Variants in SH3BGRL observed in about 807,000 individuals in gnomAD.
SH3BGRL encodes the protein SH3 domain binding glutamate rich protein like, also known as adapter SH3BGRL.
Under a neutral mutation model 9.8 loss-of-function variants are expected in SH3BGRL, and 7 were observed. The ratio of observed to expected loss-of-function variants is 0.72; its 90% CI spans 0.41 to 1.35. The LOEUF is 1.35. SH3BGRL is among the 40% of genes most tolerant of loss of function. The pLI is 0.01. For missense variants in SH3BGRL, 73 were observed against 84.4 expected, an observed-to-expected ratio of 0.86 and a Z score of 0.53; for synonymous variants, 36 against 29.1, an observed-to-expected ratio of 1.24 and a Z score of -0.76.
chrX:81,237,000 G>A, intron 1 of SH3BGRL: 1 of 551,091 alleles, frequency 1.8e-6, no homozygotes, highest in Non-Finnish European at 2.5e-6. Flanking sequence ...CAGTAAGAAA[G>A]CAGGCACAGT....
chrX:81,230,020 G>A (rs1473052765), intron 1 of SH3BGRL, among the ~76,000 whole-genome samples: 1 of 111,589 alleles, frequency 9.0e-6, no homozygotes, highest in Non-Finnish European at 1.9e-5. Context: ...GAAGTTCAGA[G>A]GTTGAGTGTG....
At chrX:81,239,353 CAG>C (rs1040450505) in intron 1 of SH3BGRL, among the ~76,000 whole-genome samples, 7 of 111,943 alleles carry the variant, frequency 6.3e-5, no homozygotes, top group East Asian at 5.6e-4. Flanking sequence ...AAGAAACAAA[CAG>C]AAATTCTGGA....
At chrX:81,229,315 G>A (rs2075625948) in intron 1 of SH3BGRL, among the ~76,000 whole-genome samples, 4 of 110,984 alleles carry the variant, frequency 3.6e-5, no homozygotes, top group Admixed American at 1.9e-4. Flanking sequence ...AAGCCCCAGT[G>A]GGCGTGTGTT....
intron 1 of SH3BGRL, among the ~76,000 whole-genome samples, chrX:81,226,370 A>G (rs1450282464): frequency 9.2e-6 from 1 of 108,340 alleles, no homozygotes; most frequent in Non-Finnish European, 1.9e-5. Flanking sequence ...TATATGGTGC[A>G]TATATTTTAT....
chrX:81,204,548 T>A (rs1602589482), intron 1 of SH3BGRL, among the ~76,000 whole-genome samples: 1 of 111,384 alleles, frequency 9.0e-6, no homozygotes, highest in African/African-American at 3.3e-5. Flanking sequence ...TGCTTTGGAT[T>A]GGTGGTAGCT....
At chrX:81,256,183 G>C (rs1057004742) in intron 1 of SH3BGRL, among the ~76,000 whole-genome samples, 1 of 112,094 alleles carries the variant, frequency 8.9e-6, no homozygotes, top group African/African-American at 3.2e-5. Context: ...TATAGGGATT[G>C]AGGTTCAGAT....
intron 3 of SH3BGRL, among the ~76,000 whole-genome samples, chrX:81,287,017 T>G (rs1361645615): frequency 9.0e-6 from 1 of 111,706 alleles, no homozygotes; most frequent in East Asian, 2.8e-4. Context: ...GCCAGTGATT[T>G]CTCCCATTAA....
intron 1 of SH3BGRL, among the ~76,000 whole-genome samples, chrX:81,259,752 C>T (rs1325936433): frequency 8.9e-6 from 1 of 111,908 alleles, no homozygotes; most frequent in Non-Finnish European, 1.9e-5. Flanking sequence ...TTTTATTACT[C>T]ATTTTCTGTA....
At chrX:81,252,537 T>C (rs1321073985) in intron 1 of SH3BGRL, among the ~76,000 whole-genome samples, 1 of 110,240 alleles carries the variant, frequency 9.1e-6, no homozygotes, top group African/African-American at 3.4e-5. Context: ...ATTCAGTCTT[T>C]TGGCGTCCCT....
At chrX:81,211,101 A>T (rs2075561708) in intron 1 of SH3BGRL, among the ~76,000 whole-genome samples, 1 of 112,086 alleles carries the variant, frequency 8.9e-6, no homozygotes, top group Non-Finnish European at 1.9e-5. Flanking sequence ...GTGTGATTTG[A>T]GTAGGTCATA....
rs769599930 is a variant in SH3BGRL at position 81,274,811 on chromosome X, A to AT, written c.46-2164dup. On this transcript the variant is annotated intron_variant, in intron 1 of 3. Transcript: ENST00000373212. ...TGAAAATTTGATCAAGTTAGGAAAC[A>AT]TTTTTTTTTAACTTTCCCTGAAGAT... 2.2e-3 allele frequency among the ~76,000 whole-genome samples: 244 copies of AT among 110,020 alleles called. 3 individuals are homozygous for AT. The Middle Eastern group carries it at 0.028, about 13-fold the overall frequency.
chrX:81,210,472 G>A (rs921554876), intron 1 of SH3BGRL, among the ~76,000 whole-genome samples: 2 of 111,447 alleles, frequency 1.8e-5, no homozygotes, highest in Non-Finnish European at 3.8e-5. Context: ...GCTTTAGTGG[G>A]TAATAATATT....
At chrX:81,211,211 T>C (rs1388625251) in intron 1 of SH3BGRL, among the ~76,000 whole-genome samples, 1 of 111,823 alleles carries the variant, frequency 8.9e-6, no homozygotes. Context: ...TGATGGTTAA[T>C]ACTGAGTGTC....
chrX:81,249,326 C>A (rs2075701761), intron 1 of SH3BGRL, among the ~76,000 whole-genome samples: 1 of 111,918 alleles, frequency 8.9e-6, no homozygotes, highest in African/African-American at 3.3e-5. Context: ...GAGTAAATTT[C>A]CTCTGCATTT....
chrX:81,235,117 G>A (rs1334678834), intron 1 of SH3BGRL, among the ~76,000 whole-genome samples: 1 of 111,290 alleles, frequency 9.0e-6, no homozygotes, highest in Non-Finnish European at 1.9e-5. Flanking sequence ...TTTATTTTGA[G>A]GATTTAGAGA....
intron 1 of SH3BGRL, among the ~76,000 whole-genome samples, chrX:81,225,815 C>G (rs1031339015): frequency 1.8e-5 from 2 of 111,356 alleles, no homozygotes; most frequent in Non-Finnish European, 3.8e-5. Flanking sequence ...GTAAATAAAT[C>G]CCAGTCCTCT....
chrX:81,217,461 C>T (rs1226993710), intron 1 of SH3BGRL, among the ~76,000 whole-genome samples: 2 of 110,741 alleles, frequency 1.8e-5, no homozygotes, highest in African/African-American at 6.6e-5. Context: ...CTATTATCAT[C>T]CAGTTTAAAG....
intron 1 of SH3BGRL, among the ~76,000 whole-genome samples, chrX:81,224,811 TTTG>T (rs745700925): frequency 1.9e-4 from 21 of 111,745 alleles, no homozygotes; most frequent in African/African-American, 6.5e-4. Context: ...TTCAATCTTT[TTTG>T]TTGTTGTTGT....
intron 3 of SH3BGRL, among the ~76,000 whole-genome samples, chrX:81,289,579 C>T (rs1416441985): frequency 9.0e-6 from 1 of 111,170 alleles, no homozygotes; most frequent in East Asian, 2.8e-4. Context: ...CTATAGGGGC[C>T]ATGCATGGTG....
Sources: gnomAD v4.1 joint callset for allele counts (sites outside exome capture counted in the v4.1 genomes callset) on GRCh38, gnomAD v4.1.1 for gene constraint, MANE v1.5 for transcripts, NCBI Gene and HGNC (gene_info 2026-07-23, HGNC 2026-07-21) for gene names.